Variants in WAC observed in about 807,000 individuals in gnomAD.
The protein encoded by WAC is WW domain-containing adapter protein with coiled-coil.
WAC carries 11 observed loss-of-function variants against 79.6 expected under a neutral mutation model. That is an observed-to-expected ratio of 0.14 (90% CI 0.09 to 0.23). The LOEUF (loss-of-function observed/expected upper bound fraction) is 0.23, where lower values mean the gene tolerates loss of function less well. Ranked by LOEUF, WAC falls within the 10% of genes least tolerant of loss-of-function variation. The pLI is 1.00. For synonymous variants in WAC, 304 were observed against 276.9 expected (o/e 1.10, Z -0.97); for missense variants, 728 against 773.5 (o/e 0.94, Z 0.70).
intron 13 of WAC, 104 bp downstream of exon 13, chr10:28,617,888 C>G: frequency 7.8e-7 from 1 of 1,286,462 alleles, no homozygotes; most frequent in African/African-American, 1.5e-5. Flanking sequence ...GTAAAGTTCT[C>G]TTCGATACAT....
intron 3 of WAC, among the ~76,000 whole-genome samples, chr10:28,554,045 T>C (rs1837849200): frequency 6.6e-6 from 1 of 152,130 alleles, no homozygotes; most frequent in African/African-American, 2.4e-5. Flanking sequence ...TTTTGTATTT[T>C]TAGTAAGAGA....
intron 10 of WAC, among the ~76,000 whole-genome samples, chr10:28,612,589 T>C (rs569199986): frequency 1.3e-3 from 192 of 152,312 alleles, no homozygotes; most frequent in African/African-American, 4.5e-3. Flanking sequence ...GTTTCAGACT[T>C]TTTAATGCCA....
intron 6 of WAC, among the ~76,000 whole-genome samples, chr10:28,594,141 C>A (rs1840235801): frequency 6.6e-6 from 1 of 151,848 alleles, no homozygotes; most frequent in Admixed American, 6.6e-5. Context: ...GCTATAGCGT[C>A]CCCTGTTCCT....
At chr10:28,541,595 A>G (rs756888328) in intron 3 of WAC, among the ~76,000 whole-genome samples, 17 of 152,022 alleles carry the variant, frequency 1.1e-4, no homozygotes, top group Non-Finnish European at 2.5e-4. Context: ...CAGGATTTGT[A>G]TGATGCTTTA....
At position 28,589,717 on chromosome 10, in the gene WAC, TA is replaced by T; in HGVS notation, c.382-13del. ...AAATAGTATTAACATTTTCTAATTG[TA>T]AAAAATATATTTTTAAGCCTTATGA... On this transcript the variant is annotated intron_variant, in intron 4 of 13. Coordinates refer to ENST00000354911, the MANE Select transcript of WAC (RefSeq NM_016628.5). The T allele has an allele frequency of 1.3e-6, 2 of 1,506,784 alleles. No homozygotes were observed. The highest frequency in any genetic ancestry group is 1.8e-6 in the Non-Finnish European group (2 of 1,095,680). 93.3% of individuals were successfully genotyped at this position (1,506,784 alleles called of 1,614,324 possible). A position where few individuals can be genotyped will look rare whatever the true frequency, so the allele number is the denominator to read the frequency against.
chr10:28,564,253 A>T (rs1455421387), intron 3 of WAC, among the ~76,000 whole-genome samples: 1 of 152,186 alleles, frequency 6.6e-6, no homozygotes, highest in African/African-American at 2.4e-5. Context: ...ACCTTGTCTC[A>T]AAAAAACAAA....
intron 3 of WAC, among the ~76,000 whole-genome samples, chr10:28,579,098 G>A (rs1048912746): frequency 2.0e-5 from 3 of 151,514 alleles, no homozygotes; most frequent in Non-Finnish European, 4.4e-5. Flanking sequence ...ATTTCTTGAG[G>A]TTGGTTTAAA....
intron 3 of WAC, among the ~76,000 whole-genome samples, chr10:28,544,217 T>G (rs1327522829): frequency 2.6e-5 from 4 of 152,200 alleles, no homozygotes; most frequent in Non-Finnish European, 4.4e-5. Context: ...TTTCGCATTG[T>G]GTTCCCTTTA....
At chr10:28,545,874 C>T (rs569174425) in intron 3 of WAC, among the ~76,000 whole-genome samples, 1 of 152,286 alleles carries the variant, frequency 6.6e-6, no homozygotes, top group Admixed American at 6.5e-5. Flanking sequence ...ACTACATTTC[C>T]ACCATAACAC....
chr10:28,613,539 C>T (rs957714209), intron 10 of WAC, among the ~76,000 whole-genome samples: 2 of 152,076 alleles, frequency 1.3e-5, no homozygotes, highest in Non-Finnish European at 2.9e-5. Context: ...GGTAGCTGTT[C>T]GTTTTTTGTG....
chr10:28,567,580 C>A (rs1838718794), intron 3 of WAC, among the ~76,000 whole-genome samples: 1 of 152,080 alleles, frequency 6.6e-6, no homozygotes. Flanking sequence ...TAGGGTGGCG[C>A]AGGGCTCCCT....
chr10:28,532,828 C>G (rs1282579579), upstream of WAC: 3 of 152,994 alleles, frequency 2.0e-5, no homozygotes, highest in Non-Finnish European at 4.4e-5. Flanking sequence ...CGGAAGGCGG[C>G]TCCCTCCCTG....
At chr10:28,591,010 AC>A (rs1416939330) in intron 6 of WAC, 178 bp downstream of exon 6, 4 of 590,556 alleles carry the variant, frequency 6.8e-6, no homozygotes, top group Non-Finnish European at 1.2e-5. Context: ...GGGAAAAGAT[AC>A]ACGGTCGAGT....
intron 3 of WAC, among the ~76,000 whole-genome samples, chr10:28,579,189 T>G (rs1378737421): frequency 5.3e-5 from 8 of 151,276 alleles, no homozygotes; most frequent in African/African-American, 1.5e-4. Flanking sequence ...TTTTTTTTTT[T>G]GTCGTTAAAT....
intron 6 of WAC, among the ~76,000 whole-genome samples, chr10:28,593,263 T>C (rs978883591): frequency 6.6e-6 from 1 of 152,182 alleles, no homozygotes; most frequent in African/African-American, 2.4e-5. Flanking sequence ...CCAAAACATA[T>C]TGGCAGAGTG....
At chr10:28,581,335 C>T (rs1484980048) in intron 3 of WAC, among the ~76,000 whole-genome samples, 1 of 147,020 alleles carries the variant, frequency 6.8e-6, no homozygotes, top group Non-Finnish European at 1.5e-5. Flanking sequence ...GATTCCCCTG[C>T]CTCTACCTCC....
intron 3 of WAC, among the ~76,000 whole-genome samples, chr10:28,539,768 A>G (rs1836905487): frequency 6.6e-6 from 1 of 152,154 alleles, no homozygotes; most frequent in Non-Finnish European, 1.5e-5. Flanking sequence ...CAAGTTGGCC[A>G]GGCTGGTCTC....
intron 6 of WAC, among the ~76,000 whole-genome samples, chr10:28,593,180 TG>T (rs773988536): frequency 7.7e-4 from 117 of 152,330 alleles, no homozygotes; most frequent in Non-Finnish European, 1.4e-3. Context: ...TTAGCTGTGT[TG>T]TTGCTTTTTT....
rs762961591 is a variant in WAC, at chr10:28,533,566, C to T, written c.-14C>T. ...CTCCCCCCTCCCCGACACACACTCACAGGCCGGGCATTGATGGTAATGTAT... is the reference window on the plus strand; with the variant it reads ...CTCCCCCCTCCCCGACACACACTCATAGGCCGGGCATTGATGGTAATGTAT... On this transcript the variant is annotated 5_prime_UTR_variant, in exon 1 of 14. Transcript: ENST00000354911. 3.9e-6 allele frequency: 6 copies of T among 1,547,588 alleles called. No individual in the cohort carries two copies. In the African/African-American group the frequency reaches 4.3e-5, roughly 11 times the overall value.
Sources: allele counts gnomAD v4.1 joint callset (sites outside exome capture counted in the v4.1 genomes callset), GRCh38; gene constraint gnomAD v4.1.1; transcripts MANE v1.5; gene names NCBI Gene and HGNC (gene_info 2026-07-23, HGNC 2026-07-21).